TCF12: variants seen among roughly 807,000 people sequenced by gnomAD.
TCF12 encodes the protein DNA-binding protein HTF4.
Under a neutral mutation model 86.0 loss-of-function variants are expected in TCF12, and 45 were observed. That is an observed-to-expected ratio of 0.52 (90% confidence interval 0.41 to 0.67). The LOEUF (loss-of-function observed/expected upper bound fraction) is 0.67, where lower values mean the gene tolerates loss of function less well. TCF12 is among the 30% of genes least tolerant of loss of function. The pLI, the probability that TCF12 is intolerant of heterozygous loss-of-function variation, is 0.00. For missense variants in TCF12, 881 were observed against 859.9 expected, an observed-to-expected ratio of 1.02 and a Z score of -0.31; for synonymous variants, 330 against 299.6, an observed-to-expected ratio of 1.10 and a Z score of -1.05.
intron 8 of TCF12, among the ~76,000 whole-genome samples, chr15:57,220,616 A>G (rs1163211346): frequency 1.3e-5 from 2 of 152,152 alleles, no homozygotes; most frequent in East Asian, 1.9e-4. Flanking sequence ...CAAGAGTTCT[A>G]TTCTTTAAAT....
intron 5 of TCF12, among the ~76,000 whole-genome samples, chr15:57,114,776 A>G (rs1308413180): frequency 6.6e-6 from 1 of 152,234 alleles, no homozygotes; most frequent in Non-Finnish European, 1.5e-5. Context: ...TTGGTTTCAC[A>G]ATATAGTTGG....
At chr15:57,138,816 C>T (rs916911615) in intron 5 of TCF12, among the ~76,000 whole-genome samples, 6 of 152,168 alleles carry the variant, frequency 3.9e-5, no homozygotes, top group Admixed American at 2.0e-4. Context: ...CTTTTTTAAG[C>T]GCGTGCTACC....
intron 4 of TCF12, among the ~76,000 whole-genome samples, chr15:57,070,191 A>AT (rs112406874): frequency 0.03 from 4,497 of 149,386 alleles, 216 homozygotes; most frequent in African/African-American, 0.1. Flanking sequence ...GATATCCGGG[A>AT]TTTTTTTTTT....
At chr15:56,983,575 C>T (rs2062999052) in intron 3 of TCF12, among the ~76,000 whole-genome samples, 1 of 152,050 alleles carries the variant, frequency 6.6e-6, no homozygotes, top group Non-Finnish European at 1.5e-5. Context: ...AGATCTATTG[C>T]AGAACCCTAT....
At chr15:57,194,884 A>G (rs1223576566) in intron 7 of TCF12, among the ~76,000 whole-genome samples, 1 of 151,960 alleles carries the variant, frequency 6.6e-6, no homozygotes, top group African/African-American at 2.4e-5. Flanking sequence ...CTCTCTTTTT[A>G]TTCTATTCAC....
At chr15:57,163,553 GA>G (rs2054645291) in intron 5 of TCF12, among the ~76,000 whole-genome samples, 2 of 151,902 alleles carry the variant, frequency 1.3e-5, no homozygotes, top group Non-Finnish European at 2.9e-5. Flanking sequence ...TGAAATTTTA[GA>G]AAATTAGGCG....
chr15:57,188,995 C>G (rs2056836494), intron 6 of TCF12, among the ~76,000 whole-genome samples: 1 of 152,144 alleles, frequency 6.6e-6, no homozygotes. Flanking sequence ...CCCTATGTGG[C>G]CCAGGCTTGT....
intron 6 of TCF12, among the ~76,000 whole-genome samples, chr15:57,183,583 T>TA (rs2056489516): frequency 6.6e-6 from 1 of 152,292 alleles, no homozygotes; most frequent in East Asian, 1.9e-4. Context: ...TTAGATCACT[T>TA]ACTTAAGACA....
intron 8 of TCF12, among the ~76,000 whole-genome samples, chr15:57,226,873 A>C (rs755583961): frequency 6.6e-6 from 1 of 152,174 alleles, no homozygotes; most frequent in Non-Finnish European, 1.5e-5. Flanking sequence ...CAGTTTCTCA[A>C]TTGCACTATC....
intron 3 of TCF12, among the ~76,000 whole-genome samples, chr15:56,934,314 T>G (rs1027025731): frequency 6.6e-6 from 1 of 152,194 alleles, no homozygotes; most frequent in African/African-American, 2.4e-5. Flanking sequence ...CAACAAAATT[T>G]TAGTGACACT....
chr15:56,931,952 G>A (rs978196443), intron 3 of TCF12, among the ~76,000 whole-genome samples: 5 of 152,182 alleles, frequency 3.3e-5, no homozygotes, highest in African/African-American at 1.2e-4. Context: ...TCCACTTAAA[G>A]TTTGTAGGGG....
At chr15:57,102,762 T>C (rs1345600031) in intron 5 of TCF12, among the ~76,000 whole-genome samples, 3 of 152,144 alleles carry the variant, frequency 2.0e-5, no homozygotes, top group African/African-American at 7.2e-5. Flanking sequence ...TGGTAAGTTA[T>C]TAGTTAGGTG....
At chr15:56,970,131 G>A (rs1269042938) in intron 3 of TCF12, among the ~76,000 whole-genome samples, 1 of 152,116 alleles carries the variant, frequency 6.6e-6, no homozygotes, top group Non-Finnish European at 1.5e-5. Context: ...TGGTAAACTT[G>A]GCATCTCAGA....
chr15:57,069,495 C>T (rs573033273), intron 4 of TCF12, among the ~76,000 whole-genome samples: 2 of 152,232 alleles, frequency 1.3e-5, no homozygotes, highest in Admixed American at 6.5e-5. Flanking sequence ...CTCTTTCTTC[C>T]CTCTGTGTTT....
At chr15:57,165,250 A>G (rs1453822142) in intron 5 of TCF12, among the ~76,000 whole-genome samples, 3 of 152,142 alleles carry the variant, frequency 2.0e-5, no homozygotes, top group Non-Finnish European at 4.4e-5. Context: ...GGAAATATAT[A>G]AACTGGTTTT....
chr15:57,278,076 C>G (rs1192966030), intron 19 of TCF12, among the ~76,000 whole-genome samples: 1 of 152,138 alleles, frequency 6.6e-6, no homozygotes, highest in Non-Finnish European at 1.5e-5. Context: ...AAACGATCCT[C>G]CCACCTCAGC....
chr15:57,081,204 T>TCTTATGAATTACTTATGAA (rs1444864447), intron 4 of TCF12, among the ~76,000 whole-genome samples: 2 of 152,248 alleles, frequency 1.3e-5, no homozygotes, highest in Non-Finnish European at 2.9e-5. Context: ...AATTACTGTT[T>TCTTATGAATTACTTATGAA]GAACAGATTT....
At chr15:56,971,253 A>G (rs1272154604) in intron 3 of TCF12, among the ~76,000 whole-genome samples, 1 of 151,396 alleles carries the variant, frequency 6.6e-6, no homozygotes, top group African/African-American at 2.4e-5. Context: ...GCGCAACTCC[A>G]TCTCCACTAA....
chr15:57,190,844 G>A (rs2056943737), intron 6 of TCF12, among the ~76,000 whole-genome samples: 1 of 152,070 alleles, frequency 6.6e-6, no homozygotes, highest in Non-Finnish European at 1.5e-5. Flanking sequence ...ATATTAAAAA[G>A]GCTAGCATAT....
Sources: gnomAD v4.1 joint callset for allele counts (sites outside exome capture counted in the v4.1 genomes callset) on GRCh38, gnomAD v4.1.1 for gene constraint, MANE v1.5 for transcripts, NCBI Gene and HGNC (gene_info 2026-07-23, HGNC 2026-07-21) for gene names.